EYS: variants seen among roughly 807,000 people sequenced by gnomAD.
EYS encodes protein eyes shut homolog.
Under a neutral mutation model 282.1 loss-of-function variants are expected in EYS, and 250 were observed. The observed-to-expected ratio is 0.89, with a 90% CI of 0.80 to 0.98. EYS has a LOEUF of 0.98. Ranked by LOEUF, EYS falls within the 50% of genes least tolerant of loss-of-function variation. EYS has a pLI of 0.00. For synonymous variants in EYS, 1,355 were observed against 1,282.9 expected (o/e 1.06, Z -1.20); for missense variants, 4,016 against 3,709.0 (o/e 1.08, Z -2.15).
intron 5 of EYS, among the ~76,000 whole-genome samples, chr6:65,429,151 C>T (rs537477279): frequency 7.2e-5 from 11 of 151,800 alleles, no homozygotes; most frequent in African/African-American, 2.4e-4. Flanking sequence ...TACACTACTG[C>T]CTGGGCAACA....
chr6:64,345,639 G>T lies in EYS; in HGVS notation c.6079-38557C>A, dbSNP rs1274340234. ...GCAATATCATTCAGGACATAGGCAT[G>T]GGCAAGGACTTCATGTCTAAAACAC... is the stretch of plus-strand genomic sequence containing the variant. On this transcript the variant is annotated intron_variant, in intron 29 of 42. Coordinates refer to ENST00000503581, the MANE Select transcript of EYS (RefSeq NM_001142800.2). Among the ~76,000 whole-genome samples the T allele has an allele frequency of 2.0e-5, 3 of 152,032 alleles. No individual in the cohort carries two copies. The East Asian group carries it at 5.8e-4, about 29-fold the overall frequency.
chr6:64,455,198 G>A (rs897781453), intron 26 of EYS, among the ~76,000 whole-genome samples: 4 of 151,950 alleles, frequency 2.6e-5, no homozygotes, highest in African/African-American at 7.2e-5. Context: ...AGGCAGGCAT[G>A]AGCCACCACA....
intron 9 of EYS, among the ~76,000 whole-genome samples, chr6:65,347,354 T>G (rs947482640): frequency 1.3e-5 from 2 of 151,848 alleles, no homozygotes; most frequent in Admixed American, 6.6e-5. Context: ...TTTTCAGTTT[T>G]TCCTTCTTAA....
At chr6:65,408,749 T>C (rs892690959) in intron 5 of EYS, among the ~76,000 whole-genome samples, 2 of 152,198 alleles carry the variant, frequency 1.3e-5, no homozygotes, top group African/African-American at 4.8e-5. Flanking sequence ...TTTGTTTGTA[T>C]GCTTTGCATT....
chr6:64,653,730 A>ATTT (rs10680654), intron 22 of EYS, among the ~76,000 whole-genome samples: 4,248 of 136,858 alleles, frequency 0.031, 216 homozygotes, highest in East Asian at 0.097. Context: ...ATGCCCAGCT[A>ATTT]TTTTTTTTTT....
At chr6:65,251,988 T>C (rs1335213801) in intron 12 of EYS, among the ~76,000 whole-genome samples, 1 of 152,006 alleles carries the variant, frequency 6.6e-6, no homozygotes, top group Non-Finnish European at 1.5e-5. Context: ...GTCAAAATTA[T>C]GAGGGAGGGG....
intron 30 of EYS, among the ~76,000 whole-genome samples, chr6:64,234,175 T>C (rs1029177085): frequency 3.3e-5 from 5 of 152,176 alleles, no homozygotes; most frequent in African/African-American, 1.2e-4. Flanking sequence ...CAAAAATCAC[T>C]GTGTTTGATT....
chr6:64,205,414 T>C (rs1765583361), intron 31 of EYS, among the ~76,000 whole-genome samples: 2 of 152,132 alleles, frequency 1.3e-5, no homozygotes, highest in Admixed American at 1.3e-4. Context: ...AGCCTGACGA[T>C]AATGACCTGA....
chr6:65,383,343 G>C (rs961795418), intron 8 of EYS, among the ~76,000 whole-genome samples: 2 of 151,402 alleles, frequency 1.3e-5, no homozygotes, highest in African/African-American at 4.8e-5. Flanking sequence ...CACTTTTATA[G>C]TATTAATTTT....
At chr6:63,735,254 A>G (rs116162428) in intron 41 of EYS, among the ~76,000 whole-genome samples, 146 of 152,196 alleles carry the variant, frequency 9.6e-4, no homozygotes, top group African/African-American at 3.3e-3. Flanking sequence ...ATTTTGTGCA[A>G]TGGAAACAAT....
intron 22 of EYS, among the ~76,000 whole-genome samples, chr6:64,699,678 A>C (rs1770713114): frequency 6.6e-6 from 1 of 152,036 alleles, no homozygotes; most frequent in Non-Finnish European, 1.5e-5. Context: ...GATCAATAAC[A>C]AGTAATGACA....
chr6:64,954,762 G>A (rs541357819), intron 14 of EYS, among the ~76,000 whole-genome samples: 8 of 152,094 alleles, frequency 5.3e-5, no homozygotes, highest in African/African-American at 1.7e-4. Flanking sequence ...CCTGGCAAGG[G>A]CACCAAATTA....
intron 31 of EYS, among the ~76,000 whole-genome samples, chr6:64,086,523 C>T (rs1772162995): frequency 6.6e-6 from 1 of 152,122 alleles, no homozygotes; most frequent in Admixed American, 6.6e-5. Flanking sequence ...GTTGAACCAA[C>T]TTTCTTTTGT....
chr6:64,449,461 A>G (rs903338114), intron 26 of EYS, among the ~76,000 whole-genome samples: 2 of 152,194 alleles, frequency 1.3e-5, no homozygotes, highest in Admixed American at 6.5e-5. Flanking sequence ...AACTTCCCCA[A>G]TCTAGCAAGG....
At chr6:64,533,005 C>G (rs914070173) in intron 26 of EYS, among the ~76,000 whole-genome samples, 1 of 152,000 alleles carries the variant, frequency 6.6e-6, no homozygotes, top group Non-Finnish European at 1.5e-5. Flanking sequence ...CAAGGTATGT[C>G]AACAGAGATT....
chr6:64,624,439 G>A (rs1767539010), intron 23 of EYS, among the ~76,000 whole-genome samples: 1 of 152,026 alleles, frequency 6.6e-6, no homozygotes, highest in Admixed American at 6.6e-5. Flanking sequence ...AGTGTTTGTG[G>A]GCACAATAAA....
At chr6:64,385,959 G>A (rs1325977271) in intron 29 of EYS, among the ~76,000 whole-genome samples, 1 of 152,052 alleles carries the variant, frequency 6.6e-6, no homozygotes, top group Middle Eastern at 3.2e-3. Flanking sequence ...TCTTAGCCTA[G>A]TTCTTGATTG....
chr6:64,630,966 T>A (rs1433398898), intron 22 of EYS, among the ~76,000 whole-genome samples: 1 of 152,216 alleles, frequency 6.6e-6, no homozygotes, highest in Non-Finnish European at 1.5e-5. Flanking sequence ...TTTATAAGCA[T>A]TTTAATAGAA....
intron 5 of EYS, among the ~76,000 whole-genome samples, chr6:65,422,045 G>C (rs955353043): frequency 6.6e-6 from 1 of 151,938 alleles, no homozygotes; most frequent in African/African-American, 2.4e-5. Context: ...GGTGCTGATA[G>C]ATCGGCTTGA....
Sources: allele counts gnomAD v4.1 joint callset (sites outside exome capture counted in the v4.1 genomes callset), GRCh38; gene constraint gnomAD v4.1.1; transcripts MANE v1.5; gene names NCBI Gene and HGNC (gene_info 2026-07-23, HGNC 2026-07-21).